The following OR51L1 variants were observed in gnomAD, a reference collection of about 807,000 sequenced individuals.
OR51L1 encodes olfactory receptor 51L1.
Under a neutral mutation model 1.4 loss-of-function variants are expected in OR51L1, and 1 was observed. The ratio of observed to expected loss-of-function variants is 0.72; its 90% CI spans 0.26 to 3.42. The LOEUF is 3.42. Among genes scored for constraint, OR51L1 ranks in the 30% most tolerant of loss-of-function variants. OR51L1 has a pLI of 0.20. For missense variants in OR51L1, 378 were observed against 380.0 expected, an observed-to-expected ratio of 0.99 and a Z score of 0.04; for synonymous variants, 156 against 144.2, an observed-to-expected ratio of 1.08 and a Z score of -0.59.
In OR51L1 at chr11:5,001,573, A is replaced by C. The variant is rs542875193; in HGVS notation, c.*1643A>C. The C allele has an allele frequency of 6.6e-6, 1 of 152,138 alleles. No homozygotes were observed. The highest frequency in any genetic ancestry group is 1.5e-5 in the Non-Finnish European group (1 of 68,024). 9.4% of individuals were successfully genotyped at this position (152,138 alleles called of 1,614,324 possible). On this transcript the variant is annotated 3_prime_UTR_variant, in exon 3 of 3. Coordinates refer to ENST00000641819, the MANE Select transcript of OR51L1 (RefSeq NM_001004755.2). ...ATAATACTTTTACCTCTTGTTCTAC[A>C]TGCCTGTGTGGATCTGTAGTATTGT...
chr11:4,999,003 T>C lies in OR51L1; in HGVS notation c.21T>C (p.Ser7=). 6.2e-7 allele frequency: 1 copy of C among 1,613,890 alleles called. No individual in the cohort carries two copies. Among genetic ancestry groups the C allele is most frequent in the Non-Finnish European group, 8.5e-7 (1 of 1,179,834 alleles). ...TCACTATGGGAGACTGGAATAACAG[T>C]GATGCTGTGGAGCCCATATTTATCC... MGDWNN[S]DAVEPIFILR... is the part of the protein sequence containing the mutation. Residue 7 remains serine, a synonymous_variant, in exon 3 of 3, where the codon AGT becomes AGC. Transcript: ENST00000641819.
rs201269119 is a variant in OR51L1, at chr11:4,999,304, A to C, written c.322A>C (p.Thr108Pro). The C allele has an allele frequency of 6.1e-5, 98 of 1,613,996 alleles. No individual in the cohort carries two copies. The highest frequency in any genetic ancestry group is 6.0e-4 in the South Asian group (55 of 91,080). Residue 108 changes from threonine (T) to proline (P), a missense_variant, in exon 3 of 3, where the codon ACA becomes CCA. Physicochemically the swap from Thr to Pro is conservative, Grantham distance 38. Coordinates refer to ENST00000641819, the MANE Select transcript of OR51L1 (RefSeq NM_001004755.2). ...CTATGCTCAGCTGTTCTTCATCCACACATTCACATTCCTGGAGTCCTCAGT... is the reference window on the plus strand; with the variant it reads ...CTATGCTCAGCTGTTCTTCATCCACCCATTCACATTCCTGGAGTCCTCAGT... Reference protein sequence around the residue: ...ACYAQLFFIHTFTFLESSVLL... With the variant: ...ACYAQLFFIHPFTFLESSVLL...
In OR51L1 at chr11:5,000,167, T is replaced by A; in HGVS notation, c.*237T>A. Reference sequence around the variant, plus strand: ...ATTACAAGACTTATAATAGAAAATGTATGTGCTAAGTCAAGTTTTTTGAAA... The same window carrying A: ...ATTACAAGACTTATAATAGAAAATGAATGTGCTAAGTCAAGTTTTTTGAAA... On this transcript the variant is annotated 3_prime_UTR_variant, in exon 3 of 3. Coordinates refer to ENST00000641819, the MANE Select transcript of OR51L1 (RefSeq NM_001004755.2). 2.5e-6 allele frequency: 1 copy of A among 392,258 alleles called. No homozygotes were observed. Among genetic ancestry groups the A allele is most frequent in the Non-Finnish European group, 4.5e-6 (1 of 220,278 alleles). 24.3% of individuals were successfully genotyped at this position (392,258 alleles called of 1,614,324 possible). A position where few individuals can be genotyped will look rare whatever the true frequency, so the allele number is the denominator to read the frequency against.
chr11:4,997,862 A>C (rs1335913100), intron 2 of OR51L1, among the ~76,000 whole-genome samples: 3 of 152,188 alleles, frequency 2.0e-5, no homozygotes, highest in Non-Finnish European at 2.9e-5. Flanking sequence ...GTGAATATTT[A>C]AGGCCTAAAT....
Position 5,000,069 on chromosome 11 carries a change from CT to C in OR51L1, c.*142del. 2 of 925,566 alleles carry C rather than the reference CT, an allele frequency of 2.2e-6. No individual in the cohort carries two copies. Among genetic ancestry groups the C allele is most frequent in the Middle Eastern group, 3.4e-4 (1 of 2,940 alleles). The allele number at this position is 925,566 out of a possible 1,614,324, so 57.3% of individuals were successfully genotyped here. ...TCTTATACATGTAATTTCAGTTAAT[CT>C]TTAACCAATATGAAACTCAGGATTT... On this transcript the variant is annotated 3_prime_UTR_variant, in exon 3 of 3. Transcript: ENST00000641819.
chr11:5,003,977 C>T lies in OR51L1; in HGVS notation c.*4047C>T, dbSNP rs1179668712. 2 of 151,822 alleles carry T rather than the reference C, an allele frequency of 1.3e-5. No individual in the cohort carries two copies. Among genetic ancestry groups the T allele is most frequent in the African/African-American group, 4.8e-5 (2 of 41,316 alleles). The allele number at this position is 151,822 out of a possible 1,614,324, so 9.4% of individuals were successfully genotyped here. A position where few individuals can be genotyped will look rare whatever the true frequency, so the allele number is the denominator to read the frequency against. On this transcript the variant is annotated 3_prime_UTR_variant, in exon 3 of 3. Transcript: ENST00000641819. ...TGTCATTCAGGATCCAGTAAGAAGA[C>T]AAAAATCACACAGTAATTTGAATAG... is the stretch of plus-strand genomic sequence containing the variant.
At position 5,002,293 on chromosome 11, in the gene OR51L1, T is replaced by G. The variant is rs2442420; in HGVS notation, c.*2363T>G. On this transcript the variant is annotated 3_prime_UTR_variant, in exon 3 of 3. Transcript: ENST00000641819. Reference sequence around the variant, plus strand: ...TCTTAGAGAGGAGGTGGTTAAACACTTACCAACACATCACTGGGAAAGGTA... The same window carrying G: ...TCTTAGAGAGGAGGTGGTTAAACACGTACCAACACATCACTGGGAAAGGTA... The G allele has an allele frequency of 6.6e-6, 1 of 151,330 alleles. No homozygotes were observed. The highest frequency in any genetic ancestry group is 2.4e-5 in the African/African-American group (1 of 41,442). 9.4% of individuals were successfully genotyped at this position (151,330 alleles called of 1,614,324 possible). A position where few individuals can be genotyped will look rare whatever the true frequency, so the allele number is the denominator to read the frequency against.
At chr11:4,996,252 GCA>G (rs139320721) in intron 1 of OR51L1, among the ~76,000 whole-genome samples, 243 of 150,172 alleles carry the variant, frequency 1.6e-3, no homozygotes, top group Non-Finnish European at 2.8e-3. Flanking sequence ...GTGTGTGCAT[GCA>G]CACACACACA....
intron 1 of OR51L1, among the ~76,000 whole-genome samples, chr11:4,996,538 T>C (rs1847070140): frequency 6.6e-6 from 1 of 152,066 alleles, no homozygotes; most frequent in African/African-American, 2.4e-5. Context: ...CTTTGCATTC[T>C]ATGTGAGAAT....
chr11:5,004,906 T>G lies in OR51L1; in HGVS notation c.*4976T>G, dbSNP rs1847162988. 1 of 152,162 alleles carries G rather than the reference T, an allele frequency of 6.6e-6. No individual in the cohort carries two copies. Among genetic ancestry groups the G allele is most frequent in the Non-Finnish European group, 1.5e-5 (1 of 68,024 alleles). The allele number at this position is 152,162 out of a possible 1,614,324, so 9.4% of individuals were successfully genotyped here. Reference sequence around the variant, plus strand: ...AGGCATATTTTTTGATATGAATACATAGTTCAGTCAGAACTATGTAAAAGA... The same window carrying G: ...AGGCATATTTTTTGATATGAATACAGAGTTCAGTCAGAACTATGTAAAAGA... On this transcript the variant is annotated 3_prime_UTR_variant, in exon 3 of 3. Coordinates refer to ENST00000641819, the MANE Select transcript of OR51L1 (RefSeq NM_001004755.2).
At chr11:4,998,417 C>G (rs1208018496) in intron 2 of OR51L1, among the ~76,000 whole-genome samples, 1 of 151,746 alleles carries the variant, frequency 6.6e-6, no homozygotes, top group Admixed American at 6.6e-5. Flanking sequence ...GCTCTCTTTT[C>G]ATATAGGGGT....
At position 4,998,819 on chromosome 11, in the gene OR51L1, C is replaced by T; in HGVS notation, c.-159-5C>T. The T allele has an allele frequency of 1.4e-6, 1 of 713,284 alleles. No homozygotes were observed. The highest frequency in any genetic ancestry group is 2.2e-5 in the South Asian group (1 of 46,194). The allele number at this position is 713,284 out of a possible 1,614,324, so 44.2% of individuals were successfully genotyped here. ...CCTTAATATTGGGAAATGTTTTTTA[C>T]ATAGGGCCGACAAGAGATACCAGCT... On this transcript the variant is annotated splice_polypyrimidine_tract_variant and splice_region_variant and intron_variant, in intron 2 of 2. Transcript: ENST00000641819.
Position 4,999,839 on chromosome 11 carries a change from C to T in OR51L1, c.857C>T (p.Pro286Leu). 1.2e-6 allele frequency: 2 copies of T among 1,614,012 alleles called. No individual in the cohort carries two copies. The highest frequency in any genetic ancestry group is 2.7e-5 in the African/African-American group (2 of 75,008). ...ATGGCAGACATCTACCTTCTTCTTC[C>T]CCCAGTCCTTAACCCTATTGTCTAT... ...ILMADIYLLL[P>L]PVLNPIVYSV... The change falls in exon 3 of 3, where the codon CCC (proline) becomes CTC (leucine). Residue 286 changes from proline (P) to leucine (L), a missense_variant. Coordinates refer to ENST00000641819, the MANE Select transcript of OR51L1 (RefSeq NM_001004755.2).
rs549422331 is a variant in OR51L1 at position 5,001,370 on chromosome 11, T to C, written c.*1440T>C. On this transcript the variant is annotated 3_prime_UTR_variant, in exon 3 of 3. Coordinates refer to ENST00000641819, the MANE Select transcript of OR51L1 (RefSeq NM_001004755.2). ...AAGGGGAAAAATTGTAAAATATACATATATATTTTAAAGAAAATGGGGTAC... is the reference window on the plus strand; with the variant it reads ...AAGGGGAAAAATTGTAAAATATACACATATATTTTAAAGAAAATGGGGTAC... The C allele has an allele frequency of 2.0e-5, 3 of 152,226 alleles. No individual in the cohort carries two copies. The highest frequency in any genetic ancestry group is 2.0e-4 in the Admixed American group (3 of 15,278). 9.4% of individuals were successfully genotyped at this position (152,226 alleles called of 1,614,324 possible). A position where few individuals can be genotyped will look rare whatever the true frequency, so the allele number is the denominator to read the frequency against.
rs1473536082 is a variant in OR51L1, at chr11:5,001,007, G to T, written c.*1077G>T. On this transcript the variant is annotated 3_prime_UTR_variant, in exon 3 of 3. Coordinates refer to ENST00000641819, the MANE Select transcript of OR51L1 (RefSeq NM_001004755.2). Reference sequence around the variant, plus strand: ...TGCTCACTGCAACCTTCGCCTCCTAGGTTCAAGCAATTCTCCTGCCCCAGC... The same window carrying T: ...TGCTCACTGCAACCTTCGCCTCCTATGTTCAAGCAATTCTCCTGCCCCAGC... The T allele has an allele frequency of 6.6e-6, 1 of 152,276 alleles. No homozygotes were observed. 9.4% of individuals were successfully genotyped at this position (152,276 alleles called of 1,614,324 possible). A position where few individuals can be genotyped will look rare whatever the true frequency, so the allele number is the denominator to read the frequency against.
intron 1 of OR51L1, among the ~76,000 whole-genome samples, 164 bp downstream of exon 1, chr11:4,995,499 G>A (rs1847060373): frequency 6.6e-6 from 1 of 152,086 alleles, no homozygotes. Flanking sequence ...ATTTATTACA[G>A]TATTGTAATG....
chr11:4,999,696 G>A lies in OR51L1; in HGVS notation c.714G>A (p.Lys238=), dbSNP rs1349375375. ...LDIASREEQL[K]ALNTCVSHIC... ...TTGCATCTCGTGAAGAGCAGCTAAAGGCACTCAACACATGTGTATCCCATA... is the reference window on the plus strand; with the variant it reads ...TTGCATCTCGTGAAGAGCAGCTAAAAGCACTCAACACATGTGTATCCCATA... Residue 238 remains lysine, a synonymous_variant, in exon 3 of 3, where the codon AAG becomes AAA. Transcript: ENST00000641819. 1 of 1,613,862 alleles carries A rather than the reference G, an allele frequency of 6.2e-7. No individual in the cohort carries two copies. Among genetic ancestry groups the A allele is most frequent in the Non-Finnish European group, 8.5e-7 (1 of 1,179,988 alleles).
chr11:4,996,720 CT>C (rs775669577), intron 1 of OR51L1, among the ~76,000 whole-genome samples: 6,051 of 63,624 alleles, frequency 0.095, 149 homozygotes, highest in Middle Eastern at 0.12. Flanking sequence ...CCTTTCTTTT[CT>C]TTTCTTTCTT....
chr11:4,998,261 T>C (rs550931405), intron 2 of OR51L1, among the ~76,000 whole-genome samples: 1 of 151,670 alleles, frequency 6.6e-6, no homozygotes, highest in Admixed American at 6.6e-5. Flanking sequence ...ACACTATATA[T>C]ATAGTTTTTT....
Sources: gnomAD v4.1 joint callset for allele counts (sites outside exome capture counted in the v4.1 genomes callset) on GRCh38, gnomAD v4.1.1 for gene constraint, MANE v1.5 for transcripts, NCBI Gene and HGNC (gene_info 2026-07-23, HGNC 2026-07-21) for gene names.